ZRANB3: variants seen among roughly 807,000 people sequenced by gnomAD.
ZRANB3 encodes zinc finger RANBP2-type containing 3.
A neutral mutation model predicts 133.8 loss-of-function variants in ZRANB3; 125 were observed. The observed-to-expected ratio is 0.93, with a 90% confidence interval of 0.81 to 1.08. The LOEUF is 1.08. ZRANB3 is among the 50% of genes least tolerant of loss of function. ZRANB3 has a pLI of 0.00. For synonymous variants in ZRANB3, 387 were observed against 432.7 expected (o/e 0.89, Z 1.31); for missense variants, 1,229 against 1,275.5 (o/e 0.96, Z 0.56).
At chr2:135,342,533 C>T (rs1684722041) in intron 6 of ZRANB3, among the ~76,000 whole-genome samples, 1 of 149,602 alleles carries the variant, frequency 6.7e-6, no homozygotes, top group Non-Finnish European at 1.5e-5. Flanking sequence ...TAGTGTCAAA[C>T]TCCTGGGCTC....
chr2:135,378,481 G>T (rs917681520), intron 3 of ZRANB3, among the ~76,000 whole-genome samples: 12 of 144,448 alleles, frequency 8.3e-5, no homozygotes, highest in Non-Finnish European at 1.8e-4. Flanking sequence ...GACAGAGTGA[G>T]ACTCCATCTC....
chr2:135,491,272 T>C (rs1692359835), intron 2 of ZRANB3, among the ~76,000 whole-genome samples: 1 of 152,162 alleles, frequency 6.6e-6, no homozygotes. Flanking sequence ...AGAAATTACA[T>C]ACCTAACAGA....
intron 8 of ZRANB3, among the ~76,000 whole-genome samples, chr2:135,289,976 CT>C (rs1681602917): frequency 6.6e-6 from 1 of 152,124 alleles, no homozygotes; most frequent in Admixed American, 6.6e-5. Flanking sequence ...TATGGTCTAC[CT>C]TAGAGAATGT....
At chr2:135,403,566 G>A (rs1000518338) in intron 2 of ZRANB3, among the ~76,000 whole-genome samples, 1 of 152,234 alleles carries the variant, frequency 6.6e-6, no homozygotes, top group African/African-American at 2.4e-5. Context: ...ATCCTCTGCA[G>A]ACTTAAATGT....
intron 2 of ZRANB3, among the ~76,000 whole-genome samples, chr2:135,391,801 G>T (rs977010623): frequency 1.3e-5 from 2 of 151,962 alleles, no homozygotes; most frequent in African/African-American, 4.8e-5. Context: ...GGATGGTCTC[G>T]ATCTCCTGAC....
intron 2 of ZRANB3, among the ~76,000 whole-genome samples, chr2:135,415,279 C>G (rs893336282): frequency 6.6e-6 from 1 of 151,456 alleles, no homozygotes; most frequent in African/African-American, 2.4e-5. Context: ...GGGGATATCA[C>G]CACCGATCCC....
intron 1 of ZRANB3, among the ~76,000 whole-genome samples, chr2:135,526,658 A>C (rs1194500233): frequency 6.6e-6 from 1 of 152,188 alleles, no homozygotes; most frequent in Non-Finnish European, 1.5e-5. Context: ...CATACCTTAA[A>C]ATTGTCCTGC....
At chr2:135,402,848 A>C (rs1190885847) in intron 2 of ZRANB3, among the ~76,000 whole-genome samples, 1 of 152,168 alleles carries the variant, frequency 6.6e-6, no homozygotes, top group Non-Finnish European at 1.5e-5. Flanking sequence ...AGCCTACCAA[A>C]GTGCGAGGAT....
intron 6 of ZRANB3, among the ~76,000 whole-genome samples, chr2:135,319,933 A>C (rs1298403997): frequency 6.6e-6 from 1 of 152,210 alleles, no homozygotes; most frequent in Non-Finnish European, 1.5e-5. Context: ...ATATATTGAA[A>C]GTGTCTACTT....
intron 3 of ZRANB3, among the ~76,000 whole-genome samples, chr2:135,356,693 C>T (rs1175415556): frequency 6.6e-6 from 1 of 152,128 alleles, no homozygotes; most frequent in East Asian, 1.9e-4. Context: ...TTTGTTCTAA[C>T]ATGTTAAAAA....
At chr2:135,267,391 T>A (rs375496997) in intron 11 of ZRANB3, among the ~76,000 whole-genome samples, 6 of 151,988 alleles carry the variant, frequency 3.9e-5, no homozygotes, top group African/African-American at 1.5e-4. Flanking sequence ...CATTAATCCC[T>A]CAATCCATGA....
At chr2:135,233,929 A>G (rs1284216120) in intron 12 of ZRANB3, among the ~76,000 whole-genome samples, 1 of 152,264 alleles carries the variant, frequency 6.6e-6, no homozygotes, top group East Asian at 1.9e-4. Flanking sequence ...ACAGGATCAA[A>G]TTCACACATA....
intron 2 of ZRANB3, among the ~76,000 whole-genome samples, chr2:135,438,774 A>G (rs1689655306): frequency 6.6e-6 from 1 of 152,188 alleles, no homozygotes; most frequent in Non-Finnish European, 1.5e-5. Context: ...TTAAATCTCA[A>G]TCTGACTAAA....
At chr2:135,512,649 A>G (rs760024795) in intron 1 of ZRANB3, among the ~76,000 whole-genome samples, 10 of 152,050 alleles carry the variant, frequency 6.6e-5, no homozygotes, top group Non-Finnish European at 1.3e-4. Flanking sequence ...TAAAAAAGAC[A>G]TATTATACAT....
At chr2:135,218,448 C>G (rs568207925) in intron 16 of ZRANB3, among the ~76,000 whole-genome samples, 1 of 152,104 alleles carries the variant, frequency 6.6e-6, no homozygotes, top group Admixed American at 6.6e-5. Context: ...AAATAGCTTA[C>G]TGCTCCCTTT....
intron 2 of ZRANB3, among the ~76,000 whole-genome samples, chr2:135,399,055 T>C (rs1263907782): frequency 6.6e-6 from 1 of 152,138 alleles, no homozygotes; most frequent in Non-Finnish European, 1.5e-5. Flanking sequence ...TACGCCTAGG[T>C]TAGATGATGA....
intron 6 of ZRANB3, among the ~76,000 whole-genome samples, chr2:135,319,432 G>A (rs1337656281): frequency 1.3e-5 from 2 of 152,014 alleles, no homozygotes; most frequent in Non-Finnish European, 2.9e-5. Context: ...ATGGATGATC[G>A]AATTTTGTTG....
At chr2:135,291,079 C>G (rs114381367) in intron 8 of ZRANB3, among the ~76,000 whole-genome samples, 7,420 of 152,214 alleles carry the variant, frequency 0.049, 254 homozygotes, top group Middle Eastern at 0.12. Context: ...CCAGGTTGCT[C>G]TTGAACTCGT....
intron 12 of ZRANB3, among the ~76,000 whole-genome samples, chr2:135,249,445 G>A (rs941120404): frequency 2.0e-5 from 3 of 152,174 alleles, no homozygotes; most frequent in Non-Finnish European, 4.4e-5. Flanking sequence ...GTCTTTTGTG[G>A]GAACATGGAT....
Sources: gnomAD v4.1 joint callset for allele counts (sites outside exome capture counted in the v4.1 genomes callset) on GRCh38, gnomAD v4.1.1 for gene constraint, MANE v1.5 for transcripts, NCBI Gene and HGNC (gene_info 2026-07-23, HGNC 2026-07-21) for gene names.